Variants in CFAP300 observed in about 807,000 individuals in gnomAD.
CFAP300 encodes the protein cilia and flagella associated protein 300, also known as cilia- and flagella-associated protein 300.
A neutral mutation model predicts 33.0 loss-of-function variants in CFAP300; 32 were observed. The ratio of observed to expected loss-of-function variants is 0.97; its 90% confidence interval spans 0.73 to 1.30. The LOEUF (loss-of-function observed/expected upper bound fraction) is 1.30. Among genes scored for constraint, CFAP300 ranks in the 50% most tolerant of loss-of-function variants. The pLI, the probability that CFAP300 is intolerant of heterozygous loss-of-function variation, is 0.00. For missense variants in CFAP300, 356 were observed against 318.1 expected (o/e 1.12, Z -0.90); for synonymous variants, 102 against 106.8 (o/e 0.95, Z 0.28).
At chr11:102,072,005 G>A (rs1168932046) in intron 4 of CFAP300, among the ~76,000 whole-genome samples, 1 of 152,076 alleles carries the variant, frequency 6.6e-6, no homozygotes, top group African/African-American at 2.4e-5. Context: ...TAAGGTTCCT[G>A]TATCTGGTCG....
intron 2 of CFAP300, among the ~76,000 whole-genome samples, chr11:102,055,253 A>G (rs769939160): frequency 6.6e-6 from 1 of 152,136 alleles, no homozygotes; most frequent in Non-Finnish European, 1.5e-5. Flanking sequence ...TGCTGGGATT[A>G]CAGGTGTGAG....
chr11:102,077,458 G>A (rs1445315930), intron 5 of CFAP300, among the ~76,000 whole-genome samples: 1 of 152,210 alleles, frequency 6.6e-6, no homozygotes, highest in Non-Finnish European at 1.5e-5. Context: ...ACTACAGCGT[G>A]TGATTTTAGG....
chr11:102,066,172 G>A (rs989858472), intron 3 of CFAP300, among the ~76,000 whole-genome samples: 2 of 151,724 alleles, frequency 1.3e-5, no homozygotes, highest in Admixed American at 6.6e-5. Context: ...ACGAGGTTTC[G>A]CCATATTGGC....
At chr11:102,079,009 C>T (rs772659470) in intron 5 of CFAP300, among the ~76,000 whole-genome samples, 28 of 152,152 alleles carry the variant, frequency 1.8e-4, no homozygotes, top group African/African-American at 4.1e-4. Flanking sequence ...CGTGCCCGGC[C>T]GATATACTTG....
intron 4 of CFAP300, among the ~76,000 whole-genome samples, chr11:102,067,628 T>C: frequency 6.6e-6 from 1 of 152,240 alleles, no homozygotes; most frequent in East Asian, 1.9e-4. Context: ...TTCTACCTTC[T>C]TCCTAAAATC....
chr11:102,060,683 G>C (rs1821392418), intron 3 of CFAP300, among the ~76,000 whole-genome samples: 1 of 152,132 alleles, frequency 6.6e-6, no homozygotes, highest in African/African-American at 2.4e-5. Flanking sequence ...TCTGATTGGT[G>C]ATATGGATTT....
chr11:102,053,414 G>A (rs980731013), intron 2 of CFAP300, among the ~76,000 whole-genome samples: 1 of 152,030 alleles, frequency 6.6e-6, no homozygotes, highest in African/African-American at 2.4e-5. Flanking sequence ...AGCTGGGCAT[G>A]GTGGCGGGTG....
In CFAP300 at chr11:102,078,970, A is replaced by G. The variant is rs1180467852; in HGVS notation, c.609-2245A>G. On this transcript the variant is annotated intron_variant, in intron 5 of 6. Transcript: ENST00000434758. ...GGCAATCTGCCCACCTCGGCTACCC[A>G]AAGTGCTGGGATTACAGGTGTGAGC... 2.0e-5 allele frequency among the ~76,000 whole-genome samples: 3 copies of G among 152,214 alleles called. No individual in the cohort carries two copies. The South Asian group carries it at 6.2e-4, about 31-fold the overall frequency.
At chr11:102,074,970 G>A (rs1272025604) in intron 4 of CFAP300, among the ~76,000 whole-genome samples, 1 of 151,154 alleles carries the variant, frequency 6.6e-6, no homozygotes, top group Non-Finnish European at 1.5e-5. Flanking sequence ...GCCTCCCAAA[G>A]TGCTGAGATT....
chr11:102,054,230 C>G (rs1333981734), intron 2 of CFAP300, among the ~76,000 whole-genome samples: 1 of 152,154 alleles, frequency 6.6e-6, no homozygotes, highest in Non-Finnish European at 1.5e-5. Flanking sequence ...CATTTTTTCC[C>G]AATGCCGTTA....
chr11:102,081,355 A>G (rs1307742823), intron 6 of CFAP300, 74 bp downstream of exon 6: 3 of 1,202,678 alleles, frequency 2.5e-6, no homozygotes, highest in East Asian at 4.7e-5. Context: ...AACTGGAGTT[A>G]ACAATCAGGA....
intron 5 of CFAP300, among the ~76,000 whole-genome samples, chr11:102,080,502 C>G (rs1942458534): frequency 6.6e-6 from 1 of 152,090 alleles, no homozygotes; most frequent in Non-Finnish European, 1.5e-5. Context: ...ATCGCAACCT[C>G]CGCCTCCCAG....
At chr11:102,048,408 CAG>C (rs58327987) in intron 2 of CFAP300, among the ~76,000 whole-genome samples, 64,782 of 151,548 alleles carry the variant, frequency 0.43, 14,053 homozygotes, top group East Asian at 0.67. Flanking sequence ...TTTTTAGAGG[CAG>C]AGTCTCACTA....
At chr11:102,081,349 G>A (rs1430657958) in intron 6 of CFAP300, 68 bp downstream of exon 6, 4 of 1,272,718 alleles carry the variant, frequency 3.1e-6, no homozygotes, top group African/African-American at 3.0e-5. Flanking sequence ...TGTTACAACT[G>A]GAGTTAACAA....
At chr11:102,048,690 C>T (rs886367184) in intron 2 of CFAP300, among the ~76,000 whole-genome samples, 3 of 152,126 alleles carry the variant, frequency 2.0e-5, no homozygotes, top group Non-Finnish European at 4.4e-5. Flanking sequence ...AGCCGTAGCA[C>T]AGTGATTTGA....
At chr11:102,056,214 T>G (rs1942054595) in intron 2 of CFAP300, among the ~76,000 whole-genome samples, 1 of 152,210 alleles carries the variant, frequency 6.6e-6, no homozygotes, top group African/African-American at 2.4e-5. Context: ...CAACTGTTTT[T>G]TTACTGATAG....
intron 2 of CFAP300, among the ~76,000 whole-genome samples, chr11:102,049,968 T>TGGTG (rs1392518762): frequency 5.9e-5 from 9 of 151,894 alleles, no homozygotes; most frequent in Non-Finnish European, 1.2e-4. Flanking sequence ...CTGGGCAACA[T>TGGTG]AGTGAGATCC....
chr11:102,058,261 G>A (rs1036860184), intron 2 of CFAP300, among the ~76,000 whole-genome samples: 1 of 151,934 alleles, frequency 6.6e-6, no homozygotes, highest in African/African-American at 2.4e-5. Context: ...CTGGTGCCAA[G>A]AACTAAAGCT....
intron 4 of CFAP300, among the ~76,000 whole-genome samples, chr11:102,069,163 A>G (rs547475936): frequency 1.8e-4 from 27 of 152,276 alleles, no homozygotes; most frequent in Middle Eastern, 3.4e-3. Context: ...GTGTTTTTCT[A>G]CTAGTTGCCT....
Sources: gnomAD v4.1 joint callset for allele counts (sites outside exome capture counted in the v4.1 genomes callset) on GRCh38, gnomAD v4.1.1 for gene constraint, MANE v1.5 for transcripts, NCBI Gene and HGNC (gene_info 2026-07-23, HGNC 2026-07-21) for gene names.